Variants in ACKR5 observed in about 807,000 individuals in gnomAD.
ACKR5 encodes the protein G protein-coupled receptor 182.
the ACKR5 span, chr12:56,997,472 C>T: frequency 6.6e-6 from 1 of 152,220 alleles, no homozygotes; most frequent in Admixed American, 6.5e-5. Context: ...ATGTCTTTTC[C>T]TAATTTTCCT....
At chr12:56,996,338 C>T in the ACKR5 span, 2 of 1,614,116 alleles carry the variant, frequency 1.2e-6, no homozygotes, top group Non-Finnish European at 1.7e-6. Context: ...AGCCCCCCAC[C>T]CTGAGCCAAG....
the ACKR5 span, chr12:56,995,252 G>A: frequency 1.2e-6 from 2 of 1,614,096 alleles, no homozygotes; most frequent in Non-Finnish European, 1.7e-6. The surrounding 1 kb of genome is among the most constrained non-coding windows in gnomAD (Gnocchi z 4.7). Flanking sequence ...CTCGGAGGGG[G>A]TCACCGCAGT....
the ACKR5 span, among the ~76,000 whole-genome samples, chr12:56,994,843 T>G: frequency 6.8e-6 from 1 of 147,348 alleles, no homozygotes; most frequent in Non-Finnish European, 1.5e-5. Flanking sequence ...GGCTGAGGAA[T>G]GAAGTGCCAG....
At chr12:56,996,560 GGA>G in the ACKR5 span, 3 of 737,304 alleles carry the variant, frequency 4.1e-6, no homozygotes, top group Admixed American at 3.0e-5. Context: ...ACTGAGGTGT[GGA>G]GAGAGAGACA....
the ACKR5 span, chr12:56,996,480 T>C: frequency 1.4e-6 from 2 of 1,478,784 alleles, no homozygotes; most frequent in South Asian, 1.4e-5. Flanking sequence ...AGAGTATAGG[T>C]GGGAGATTTG....
chr12:56,996,504 G>A, the ACKR5 span: 69 of 1,330,782 alleles, frequency 5.2e-5, no homozygotes, highest in Middle Eastern at 4.0e-4. Flanking sequence ...GGATGTAGAG[G>A]GGAGGGTCAA....
the ACKR5 span, chr12:56,995,435 T>C: frequency 2.5e-6 from 4 of 1,614,080 alleles, no homozygotes; most frequent in East Asian, 4.5e-5. This position sits in a 1 kb window ranked among gnomAD's most constrained non-coding sequence, Gnocchi z 4.7. Context: ...CCTGGTGATA[T>C]GCGTCAACTG....
the ACKR5 span, chr12:56,997,660 G>C: frequency 6.6e-6 from 1 of 152,152 alleles, no homozygotes. Flanking sequence ...CCAATTCCAC[G>C]TCCTTTGCCT....
chr12:56,996,538 C>G, the ACKR5 span: 1 of 923,908 alleles, frequency 1.1e-6, no homozygotes, highest in Admixed American at 2.9e-5. Flanking sequence ...AATTTTGAAT[C>G]TATCTTAAAA....
chr12:56,996,389 C>T, the ACKR5 span: 2 of 1,596,782 alleles, frequency 1.3e-6, no homozygotes, highest in African/African-American at 1.3e-5. Context: ...AAATACTTCC[C>T]CCATCTCTCC....
At chr12:56,997,574 A>G in the ACKR5 span, 3 of 152,220 alleles carry the variant, frequency 2.0e-5, no homozygotes, top group Non-Finnish European at 2.9e-5. Flanking sequence ...AGGATCACTT[A>G]TGTTTGGGAG....
the ACKR5 span, chr12:56,995,990 T>G: frequency 6.2e-7 from 1 of 1,610,526 alleles, no homozygotes; most frequent in South Asian, 1.1e-5. This position sits in a 1 kb window ranked among gnomAD's most constrained non-coding sequence, Gnocchi z 4.7. Context: ...CCTGCTGCTG[T>G]GCGCCTACGT....
chr12:56,996,140 C>A, the ACKR5 span: 1 of 1,614,002 alleles, frequency 6.2e-7, no homozygotes, highest in Admixed American at 1.7e-5. Flanking sequence ...CTTCTCCATG[C>A]TGCACTGTGT....
the ACKR5 span, chr12:56,995,280 G>A: frequency 6.2e-7 from 1 of 1,614,126 alleles, no homozygotes; most frequent in Admixed American, 1.7e-5. The surrounding 1 kb of genome is among the most constrained non-coding windows in gnomAD (Gnocchi z 4.7). Context: ...AGTGACCTTG[G>A]AGAGATCCAC....
At chr12:56,995,107 AG>A in the ACKR5 span, 1 of 1,030,186 alleles carries the variant, frequency 9.7e-7, no homozygotes. The surrounding 1 kb of genome is among the most constrained non-coding windows in gnomAD (Gnocchi z 4.7). Flanking sequence ...CTTTCCCCAA[AG>A]CCCCCGACTC....
chr12:56,998,142 C>A, the ACKR5 span: 1 of 152,252 alleles, frequency 6.6e-6, no homozygotes, highest in African/African-American at 2.4e-5. Context: ...ACTTGGGCTA[C>A]AGGAGTTTCC....
chr12:56,995,550 C>T, the ACKR5 span: 28 of 1,613,958 alleles, frequency 1.7e-5, no homozygotes, highest in African/African-American at 4.0e-5. The surrounding 1 kb of genome is among the most constrained non-coding windows in gnomAD (Gnocchi z 4.7). Flanking sequence ...CTGGAGGTCA[C>T]GCTGGACTAC....
At chr12:56,995,501 G>T in the ACKR5 span, 1 of 1,614,130 alleles carries the variant, frequency 6.2e-7, no homozygotes, top group South Asian at 1.1e-5. The surrounding 1 kb of genome is among the most constrained non-coding windows in gnomAD (Gnocchi z 4.7). Context: ...CATGGCCATC[G>T]CGGACCTGGG....
chr12:56,995,263 G>A, the ACKR5 span: 1 of 1,614,100 alleles, frequency 6.2e-7, no homozygotes, highest in Admixed American at 1.7e-5. The surrounding 1 kb of genome is among the most constrained non-coding windows in gnomAD (Gnocchi z 4.7). Flanking sequence ...TCACCGCAGT[G>A]CCTACCAGTG....
Sources: gnomAD v4.1 joint callset for allele counts (sites outside exome capture counted in the v4.1 genomes callset) on GRCh38, gnomAD v4.1.1 for gene constraint, Gnocchi (gnomAD v3.1) non-coding constraint, MANE v1.5 for transcripts, NCBI Gene and HGNC (gene_info 2026-07-23, HGNC 2026-07-21) for gene names.